Variants in CARS1 observed in about 807,000 individuals in gnomAD.
CARS1 encodes cysteine--tRNA ligase, cytoplasmic.
A neutral mutation model predicts 106.2 loss-of-function variants in CARS1; 48 were observed. The ratio of observed to expected loss-of-function variants is 0.45; its 90% CI spans 0.36 to 0.57. CARS1 has a LOEUF of 0.57. Among genes scored for constraint, CARS1 ranks in the 20% least tolerant of loss-of-function variants. The pLI is 0.00. For missense variants in CARS1, 968 were observed against 1,057.2 expected (o/e 0.92, Z 1.17); for synonymous variants, 409 against 403.4 (o/e 1.01, Z -0.17).
chr11:3,031,982 T>G (rs1218021655), intron 7 of CARS1, among the ~76,000 whole-genome samples: 2 of 130,728 alleles, frequency 1.5e-5, no homozygotes, highest in Non-Finnish European at 3.3e-5. Context: ...GTTCTTTTCT[T>G]TCTCCTTCCT....
At chr11:3,031,166 A>G (rs1246244042) in intron 7 of CARS1, 1 of 152,260 alleles carries the variant, frequency 6.6e-6, no homozygotes, top group Non-Finnish European at 1.5e-5. Flanking sequence ...CAATAGGATA[A>G]GTAAAAACAA....
In CARS1 at chr11:3,029,560, T is replaced by C. The variant is rs1852495364; in HGVS notation, c.802-117A>G. On this transcript the variant is annotated intron_variant, in intron 7 of 22. Transcript: ENST00000380525. This position sits in a 1 kb window ranked among gnomAD's most constrained non-coding sequence, Gnocchi z 5.9. ...ATTCAAAGGTGCTGACCTTGACCTG[T>C]GAAGAGCCACCGTCTCCTAGGGAGA... is the stretch of plus-strand genomic sequence containing the variant. 1 of 1,106,492 alleles carries C rather than the reference T, an allele frequency of 9.0e-7. No individual in the cohort carries two copies. The highest frequency in any genetic ancestry group is 1.3e-6 in the Non-Finnish European group (1 of 776,040). The allele number at this position is 1,106,492 out of a possible 1,614,324, so 68.5% of individuals were successfully genotyped here.
In CARS1 at chr11:3,040,655, G is replaced by A; in HGVS notation, c.455+241C>T. The A allele has an allele frequency of 1.5e-6, 1 of 677,910 alleles. No individual in the cohort carries two copies. Among genetic ancestry groups the A allele is most frequent in the Non-Finnish European group, 2.7e-6 (1 of 371,376 alleles). 42.0% of individuals were successfully genotyped at this position (677,910 alleles called of 1,614,324 possible). ...GTCGAGTCCAGCATGTTAGCAGTGGGGCTATGGACATTTTCTTTTTGGTGA... is the reference window on the plus strand; with the variant it reads ...GTCGAGTCCAGCATGTTAGCAGTGGAGCTATGGACATTTTCTTTTTGGTGA... On this transcript the variant is annotated intron_variant, in intron 4 of 22. Coordinates refer to ENST00000380525, the MANE Select transcript of CARS1 (RefSeq NM_001014437.3). The surrounding 1 kb of genome is among the most constrained non-coding windows in gnomAD (Gnocchi z 5.8).
chr11:3,017,690 G>A lies in CARS1; in HGVS notation c.1727+167C>T. The A allele has an allele frequency of 1.7e-6, 1 of 604,510 alleles. No individual in the cohort carries two copies. Among genetic ancestry groups the A allele is most frequent in the Admixed American group, 3.2e-5 (1 of 31,638 alleles). 37.4% of individuals were successfully genotyped at this position (604,510 alleles called of 1,614,324 possible). On this transcript the variant is annotated intron_variant, in intron 15 of 22. Transcript: ENST00000380525. This position sits in a 1 kb window ranked among gnomAD's most constrained non-coding sequence, Gnocchi z 4.9. ...AATTCTCCATGCACTTCAACACCCA[G>A]AGCAGCTCCCATTAGCAGAGCCGCC...
At chr11:3,011,463 A>T (rs1187237708) in intron 18 of CARS1, among the ~76,000 whole-genome samples, 4 of 151,142 alleles carry the variant, frequency 2.6e-5, no homozygotes, top group African/African-American at 9.7e-5. Context: ...AAATACAAAA[A>T]ATTAGCCGGG....
At position 3,025,023 on chromosome 11, in the gene CARS1, G is replaced by A. The variant is rs140075823; in HGVS notation, c.1153+1653C>T. Among the ~76,000 whole-genome samples the A allele has an allele frequency of 8.4e-3, 1,283 of 152,160 alleles. 21 individuals carry two copies. Among genetic ancestry groups the A allele is most frequent in the African/African-American group, 0.029 (1,214 of 41,484 alleles). ...TCAACTCCTGGGAAGTGCATGAAAC[G>A]TGGGCATGTCCACTCTGGTTCTAGG... On this transcript the variant is annotated intron_variant, in intron 10 of 22. Coordinates refer to ENST00000380525, the MANE Select transcript of CARS1 (RefSeq NM_001014437.3).
intron 1 of CARS1, among the ~76,000 whole-genome samples, chr11:3,049,159 G>A (rs1035100299): frequency 1.3e-5 from 2 of 151,802 alleles, no homozygotes; most frequent in African/African-American, 4.8e-5. Context: ...CTACTGCCCA[G>A]GCTGGAGTGC....
chr11:3,037,428 TC>T lies in CARS1; in HGVS notation c.801+621del, dbSNP rs1276288139. ...TACACACAGCTGCAGCCGTCTCTTCTCTTTTCCATCGAGTTCTTAAAGGGTG... is the reference window on the plus strand; with the variant it reads ...TACACACAGCTGCAGCCGTCTCTTCTTTTTCCATCGAGTTCTTAAAGGGTG... On this transcript the variant is annotated intron_variant, in intron 7 of 22. Transcript: ENST00000380525. The surrounding 1 kb of genome is among the most constrained non-coding windows in gnomAD (Gnocchi z 5.9). Among the ~76,000 whole-genome samples, 1 of 152,166 alleles carries T rather than the reference TC, an allele frequency of 6.6e-6. No individual in the cohort carries two copies. The highest frequency in any genetic ancestry group is 1.5e-5 in the Non-Finnish European group (1 of 68,024).
At chr11:3,033,957 C>T (rs1181048901) in intron 7 of CARS1, among the ~76,000 whole-genome samples, 1 of 152,094 alleles carries the variant, frequency 6.6e-6, no homozygotes, top group African/African-American at 2.4e-5. Flanking sequence ...AATTCTTAAA[C>T]TTTTTGTAGA....
intron 17 of CARS1, among the ~76,000 whole-genome samples, 180 bp from the exon 18 acceptor site, chr11:3,012,456 T>C (rs1365045064): frequency 6.6e-6 from 1 of 152,222 alleles, no homozygotes; most frequent in Admixed American, 6.5e-5. Flanking sequence ...ACACAGTCCC[T>C]GCTAGGTGTG....
At position 3,045,201 on chromosome 11, in the gene CARS1, C is replaced by T. The variant is rs1036023197; in HGVS notation, c.274+2552G>A. On this transcript the variant is annotated intron_variant, in intron 2 of 22. Coordinates refer to ENST00000380525, the MANE Select transcript of CARS1 (RefSeq NM_001014437.3). This position sits in a 1 kb window ranked among gnomAD's most constrained non-coding sequence, Gnocchi z 5.6. ...AGGCTGGTGATCCAGGGAAGGGATCCACCAGGAAGGGGTCTGGCTTCACAG... is the reference window on the plus strand; with the variant it reads ...AGGCTGGTGATCCAGGGAAGGGATCTACCAGGAAGGGGTCTGGCTTCACAG... 6.6e-6 allele frequency among the ~76,000 whole-genome samples: 1 copy of T among 152,100 alleles called. No homozygotes were observed. Among genetic ancestry groups the T allele is most frequent in the Non-Finnish European group, 1.5e-5 (1 of 68,030 alleles).
chr11:3,028,217 C>T lies in CARS1; in HGVS notation c.1031+779G>A. On this transcript the variant is annotated intron_variant, in intron 9 of 22. Coordinates refer to ENST00000380525, the MANE Select transcript of CARS1 (RefSeq NM_001014437.3). This position sits in a 1 kb window ranked among gnomAD's most constrained non-coding sequence, Gnocchi z 4.4. ...TGGACACGTGACCCACGTGGCCTTA[C>T]CTATCATTGAAGATGGCTCACTCTC... 1 of 371,386 alleles carries T rather than the reference C, an allele frequency of 2.7e-6. No homozygotes were observed. Among genetic ancestry groups the T allele is most frequent in the East Asian group, 8.1e-5 (1 of 12,284 alleles). The allele number at this position is 371,386 out of a possible 1,614,324, so 23.0% of individuals were successfully genotyped here. A position where few individuals can be genotyped will look rare whatever the true frequency, so the allele number is the denominator to read the frequency against.
intron 18 of CARS1, among the ~76,000 whole-genome samples, chr11:3,010,874 G>A (rs1416023958): frequency 6.6e-6 from 1 of 152,192 alleles, no homozygotes; most frequent in African/African-American, 2.4e-5. Flanking sequence ...TCTTCAGCAT[G>A]CCCTGCCTGG....
chr11:3,007,284 A>G, intron 18 of CARS1: 1 of 388,120 alleles, frequency 2.6e-6, no homozygotes. Flanking sequence ...AAGGGACACA[A>G]GTTGGGCCGA....
At position 3,044,160 on chromosome 11, in the gene CARS1, C is replaced by A. The variant is rs79984080; in HGVS notation, c.275-1904G>T. 6.6e-6 allele frequency among the ~76,000 whole-genome samples: 1 copy of A among 152,138 alleles called. No individual in the cohort carries two copies. Among genetic ancestry groups the A allele is most frequent in the South Asian group, 2.1e-4 (1 of 4,824 alleles). ...TGCTGCCATCTCAGACAGCTGGAGA[C>A]GCTGCCCAGAAACACAGCCATGAGG... On this transcript the variant is annotated intron_variant, in intron 2 of 22. Coordinates refer to ENST00000380525, the MANE Select transcript of CARS1 (RefSeq NM_001014437.3). The surrounding 1 kb of genome is among the most constrained non-coding windows in gnomAD (Gnocchi z 4.4).
At chr11:3,054,041 A>G (rs1855945665) in intron 1 of CARS1, among the ~76,000 whole-genome samples, 2 of 152,162 alleles carry the variant, frequency 1.3e-5, no homozygotes, top group Non-Finnish European at 2.9e-5. Flanking sequence ...AGGGGACCGG[A>G]AAAAGCCCCC....
chr11:3,018,511 G>A lies in CARS1; in HGVS notation c.1526C>T (p.Ala509Val), dbSNP rs757095435. 2 of 1,613,762 alleles carry A rather than the reference G, an allele frequency of 1.2e-6. No homozygotes were observed. The highest frequency in any genetic ancestry group is 1.7e-5 in the Admixed American group (1 of 60,026). ...GAGGAAGGCCAGCCGCAACTGCCGT[G>A]CTGTGGGGGGACACAAGACAGCCAA... The part of the protein sequence containing the change: ...TIKDALKKHS[A>V]RQLRLAFLMH... Residue 509 changes from alanine (A) to valine (V), a missense_variant and splice_region_variant, in exon 14 of 23, where the codon GCA (alanine) becomes GTA (valine). Ala to Val is a moderately conservative substitution (Grantham distance 64). Coordinates refer to ENST00000380525, the MANE Select transcript of CARS1 (RefSeq NM_001014437.3).
At position 3,041,009 on chromosome 11, in the gene CARS1, G is replaced by A. The variant is rs755083168; in HGVS notation, c.367-25C>T. ...CCTTTGTTAGGAATGAAGGAATGAC[G>A]ATCACAAGAAATGCAAGAAACACTG... On this transcript the variant is annotated intron_variant, in intron 3 of 22. Coordinates refer to ENST00000380525, the MANE Select transcript of CARS1 (RefSeq NM_001014437.3). The surrounding 1 kb of genome is among the most constrained non-coding windows in gnomAD (Gnocchi z 4.9). 1.2e-5 allele frequency: 20 copies of A among 1,613,722 alleles called. No individual in the cohort carries two copies. Among genetic ancestry groups the A allele is most frequent in the Admixed American group, 1.2e-4 (7 of 59,948 alleles).
rs979766759 is a variant in CARS1, at chr11:3,041,161, C to T, written c.367-177G>A. The T allele has an allele frequency of 1.3e-5, 12 of 921,752 alleles. No homozygotes were observed. Among genetic ancestry groups the T allele is most frequent in the Admixed American group, 8.3e-5 (3 of 36,014 alleles). The allele number at this position is 921,752 out of a possible 1,614,324, so 57.1% of individuals were successfully genotyped here. The stretch of plus-strand genomic sequence containing the variant: ...CTCAGTGGGAGCCCAGTGAGATGTA[C>T]GGCACCTCCCACCAACTGAGCCCTG... On this transcript the variant is annotated intron_variant, in intron 3 of 22. Transcript: ENST00000380525. This position sits in a 1 kb window ranked among gnomAD's most constrained non-coding sequence, Gnocchi z 4.9.
Sources: allele counts gnomAD v4.1 joint callset (sites outside exome capture counted in the v4.1 genomes callset), GRCh38; gene constraint gnomAD v4.1.1; non-coding constraint Gnocchi (gnomAD v3.1); transcripts MANE v1.5; gene names NCBI Gene and HGNC (gene_info 2026-07-23, HGNC 2026-07-21).